Variants in SGSM1 observed in about 807,000 individuals in gnomAD.
SGSM1 encodes the protein small G protein signaling modulator 1.
In SGSM1, 73 loss-of-function variants were observed where a neutral mutation model predicts 133.8. The observed-to-expected ratio is 0.55, with a 90% confidence interval of 0.45 to 0.66. SGSM1 has a LOEUF of 0.66. Among genes scored for constraint, SGSM1 ranks in the 30% least tolerant of loss-of-function variants. SGSM1 has a pLI of 0.00. For missense variants in SGSM1, 1,213 were observed against 1,448.1 expected (o/e 0.84, Z 2.64); for synonymous variants, 563 against 573.0 (o/e 0.98, Z 0.25).
intron 9 of SGSM1, among the ~76,000 whole-genome samples, chr22:24,861,347 G>A (rs1331066549): frequency 5.6e-4 from 69 of 122,230 alleles, no homozygotes; most frequent in Admixed American, 1.6e-3. Context: ...GCGAGACTCT[G>A]TCTCAAAAAA....
intron 16 of SGSM1, among the ~76,000 whole-genome samples, chr22:24,888,901 G>GT (rs565175892): frequency 1.4e-4 from 20 of 139,906 alleles, no homozygotes; most frequent in Non-Finnish European, 2.6e-4. Flanking sequence ...CTTGATTATT[G>GT]TAACACATGT....
At chr22:24,818,241 AAAAAT>A (rs1928235049) in intron 2 of SGSM1, among the ~76,000 whole-genome samples, 3 of 150,838 alleles carry the variant, frequency 2.0e-5, no homozygotes, top group African/African-American at 4.9e-5. Context: ...CAAAAAAAAA[AAAAAT>A]AAAATAAAAT....
At chr22:24,890,643 C>T (rs576195156) in intron 16 of SGSM1, among the ~76,000 whole-genome samples, 42 of 152,138 alleles carry the variant, frequency 2.8e-4, no homozygotes, top group African/African-American at 9.6e-4. Context: ...TGGGTTCAAG[C>T]GATTCTCCTG....
chr22:24,864,528 T>C (rs1931344141), intron 9 of SGSM1, among the ~76,000 whole-genome samples: 1 of 152,176 alleles, frequency 6.6e-6, no homozygotes, highest in Non-Finnish European at 1.5e-5. Context: ...TATTACAACA[T>C]GGATGAACCT....
intron 2 of SGSM1, among the ~76,000 whole-genome samples, chr22:24,807,154 A>AG (rs1927449629): frequency 6.6e-6 from 1 of 151,506 alleles, no homozygotes; most frequent in Admixed American, 6.6e-5. Flanking sequence ...GCGCGTGGAG[A>AG]GGGGGGCAGT....
chr22:24,850,185 T>C, intron 4 of SGSM1, 95 bp from the exon 5 acceptor site: 2 of 1,302,832 alleles, frequency 1.5e-6, no homozygotes, highest in Non-Finnish European at 2.1e-6. Context: ...ATTCCTTCAT[T>C]TTCCTGAGAG....
intron 21 of SGSM1, among the ~76,000 whole-genome samples, chr22:24,907,350 T>G (rs979893024): frequency 1.3e-5 from 2 of 151,976 alleles, no homozygotes; most frequent in Non-Finnish European, 2.9e-5. Flanking sequence ...AATGCAAGAT[T>G]TGTACATTGA....
chr22:24,900,108 C>T (rs1205721743), intron 19 of SGSM1, among the ~76,000 whole-genome samples: 2 of 151,144 alleles, frequency 1.3e-5, no homozygotes, highest in Non-Finnish European at 2.9e-5. Flanking sequence ...CCTTCACCTC[C>T]TGGGCTCAAG....
intron 18 of SGSM1, among the ~76,000 whole-genome samples, chr22:24,897,274 G>A (rs1932942763): frequency 6.6e-6 from 1 of 151,890 alleles, no homozygotes; most frequent in African/African-American, 2.4e-5. Flanking sequence ...CAGCTACTCG[G>A]GAGGCTGAGG....
Position 24,924,800 on chromosome 22 carries a change from T to C in SGSM1, c.*526T>C, listed in dbSNP as rs562832559. On this transcript the variant is annotated 3_prime_UTR_variant, in exon 25 of 25. Transcript: ENST00000400358. ...ACTGACATTTGGGGCCAGGTGATTCTTTTTGAGGGGACTGTCCCCTGCATT... is the reference window on the plus strand; with the variant it reads ...ACTGACATTTGGGGCCAGGTGATTCCTTTTGAGGGGACTGTCCCCTGCATT... 6.2e-6 allele frequency: 1 copy of C among 160,928 alleles called. No homozygotes were observed. Among genetic ancestry groups the C allele is most frequent in the African/African-American group, 2.4e-5 (1 of 41,738 alleles). The allele number at this position is 160,928 out of a possible 1,614,324, so 10.0% of individuals were successfully genotyped here.
intron 21 of SGSM1, among the ~76,000 whole-genome samples, chr22:24,910,000 A>G (rs1280791904): frequency 6.6e-6 from 1 of 152,244 alleles, no homozygotes; most frequent in Non-Finnish European, 1.5e-5. Context: ...ATACAATGGA[A>G]TATTATTTGG....
Position 24,904,000 on chromosome 22 carries a change from A to G in SGSM1, c.2736-1105A>G, listed in dbSNP as rs2123717244. On this transcript the variant is annotated intron_variant, in intron 20 of 24. Coordinates refer to ENST00000400358, the MANE Select transcript of SGSM1 (RefSeq NM_001098497.3). ...CAAAAAGAAAAAAAAAAAAAAAAGG[A>G]AAAAGAAAAAGAAAACTAAAGAAAC... 3.4e-5 allele frequency among the ~76,000 whole-genome samples: 3 copies of G among 89,032 alleles called. No homozygotes were observed. In the South Asian group the frequency reaches 1.3e-3, roughly 38 times the overall value. 58.4% of individuals were successfully genotyped at this position (89,032 alleles called of 152,430 possible).
rs149647486 is a variant in SGSM1, at chr22:24,904,536, C to T, written c.2736-569C>T. 9.4e-3 allele frequency among the ~76,000 whole-genome samples: 1,395 copies of T among 148,194 alleles called. 30 individuals are homozygous for T. Among genetic ancestry groups the T allele is most frequent in the African/African-American group, 0.034 (1,338 of 39,728 alleles). ...CGGAGCCTGCAGTGAGCAGAGATCACGCCACTGCACTCCAGCCTGAGCAAC... is the reference window on the plus strand; with the variant it reads ...CGGAGCCTGCAGTGAGCAGAGATCATGCCACTGCACTCCAGCCTGAGCAAC... On this transcript the variant is annotated intron_variant, in intron 20 of 24. Coordinates refer to ENST00000400358, the MANE Select transcript of SGSM1 (RefSeq NM_001098497.3).
At chr22:24,923,330 A>G (rs1328893289) in intron 24 of SGSM1, among the ~76,000 whole-genome samples, 1 of 151,270 alleles carries the variant, frequency 6.6e-6, no homozygotes, top group Non-Finnish European at 1.5e-5. Flanking sequence ...CAGTTTGGGA[A>G]CCATGTCTTA....
intron 2 of SGSM1, among the ~76,000 whole-genome samples, chr22:24,840,097 T>C (rs1601909503): frequency 6.6e-6 from 1 of 151,548 alleles, no homozygotes; most frequent in South Asian, 2.1e-4. Flanking sequence ...TGCCCGCCAC[T>C]ATGCCCAGCT....
In SGSM1 at chr22:24,806,283, G is replaced by T. The variant is rs1358371175; in HGVS notation, c.-43G>T. 3 of 1,408,310 alleles carry T rather than the reference G, an allele frequency of 2.1e-6. No homozygotes were observed. Among genetic ancestry groups the T allele is most frequent in the Non-Finnish European group, 2.8e-6 (3 of 1,085,712 alleles). 87.2% of individuals were successfully genotyped at this position (1,408,310 alleles called of 1,614,324 possible). On this transcript the variant is annotated 5_prime_UTR_variant, in exon 1 of 25. Transcript: ENST00000400358. ...GGCCGGAGGAGCTACCGCCGCCACC[G>T]CCGCCACCGCCTCCTGGGACTCGGA...
chr22:24,885,140 G>T (rs1341012954), intron 15 of SGSM1, among the ~76,000 whole-genome samples: 2 of 151,964 alleles, frequency 1.3e-5, no homozygotes, highest in African/African-American at 4.8e-5. Context: ...TCTCCATGTT[G>T]GTCAGGCTGG....
chr22:24,893,522 A>G lies in SGSM1; in HGVS notation c.1862A>G (p.His621Arg). The change falls in exon 17 of 25, where the codon CAT becomes CGT. Residue 621 changes from histidine to arginine, a missense_variant. His to Arg is a conservative substitution (Grantham distance 29, BLOSUM62 0). Coordinates refer to ENST00000400358, the MANE Select transcript of SGSM1 (RefSeq NM_001098497.3). ...AIVRQRERESHAAALAKCSSG... is the reference protein window; with the variant it reads ...AIVRQRERESRAAALAKCSSG... The stretch of plus-strand genomic sequence containing the variant: ...GTGCGGCAGAGGGAGCGGGAGTCCC[A>G]TGCGGCCGCCCTGGCCAAATGCTCA... 1.9e-6 allele frequency: 3 copies of G among 1,612,430 alleles called. No homozygotes were observed. The highest frequency in any genetic ancestry group is 2.5e-6 in the Non-Finnish European group (3 of 1,179,208).
At chr22:24,897,387 C>T (rs1292407818) in intron 18 of SGSM1, among the ~76,000 whole-genome samples, 7 of 152,142 alleles carry the variant, frequency 4.6e-5, no homozygotes, top group Non-Finnish European at 8.8e-5. Context: ...TCTCAGAAAA[C>T]AAGACAAAAC....
Sources: allele counts gnomAD v4.1 joint callset (sites outside exome capture counted in the v4.1 genomes callset), GRCh38; gene constraint gnomAD v4.1.1; transcripts MANE v1.5; gene names NCBI Gene and HGNC (gene_info 2026-07-23, HGNC 2026-07-21).